The following TFR2 variants were observed in gnomAD, a reference collection of about 807,000 sequenced individuals.
TFR2 encodes the protein transferrin receptor 2.
In TFR2, 64 loss-of-function variants were observed where a neutral mutation model predicts 91.9. The ratio of observed to expected loss-of-function variants is 0.70; its 90% CI spans 0.57 to 0.86. TFR2 has a LOEUF of 0.86. TFR2 is among the 40% of genes least tolerant of loss of function. TFR2 has a pLI of 0.00. For synonymous variants in TFR2, 454 were observed against 459.6 expected, an observed-to-expected ratio of 0.99 and a Z score of 0.15; for missense variants, 950 against 1,080.5, an observed-to-expected ratio of 0.88 and a Z score of 1.69.
At chr7:100,636,108 T>C (rs1803567075) in intron 3 of TFR2, among the ~76,000 whole-genome samples, 1 of 151,536 alleles carries the variant, frequency 6.6e-6, no homozygotes, top group African/African-American at 2.4e-5. Flanking sequence ...ATAAATGAAT[T>C]AATTACTTCA....
intron 9 of TFR2, among the ~76,000 whole-genome samples, chr7:100,630,359 G>C (rs1361766800): frequency 1.3e-5 from 2 of 151,042 alleles, no homozygotes; most frequent in Non-Finnish European, 2.9e-5. Flanking sequence ...GCACAATCTC[G>C]GCTCACAGCA....
intron 3 of TFR2, 24 bp from the exon 4 acceptor site, chr7:100,633,580 T>A: frequency 6.3e-7 from 1 of 1,588,634 alleles, no homozygotes; most frequent in Non-Finnish European, 8.5e-7. Context: ...GGTGGGGACT[T>A]TTCTGGGCGC....
rs374157098 is a variant in TFR2, at chr7:100,625,348, C to T, written c.2136+1415G>A. Among the ~76,000 whole-genome samples the T allele has an allele frequency of 6.8e-4, 103 of 152,204 alleles. 3 individuals are homozygous for T. Among genetic ancestry groups the T allele is most frequent in the Admixed American group, 6.7e-3 (103 of 15,278 alleles). On this transcript the variant is annotated intron_variant, in intron 17 of 17. Coordinates refer to ENST00000223051, the MANE Select transcript of TFR2 (RefSeq NM_003227.4). The stretch of plus-strand genomic sequence containing the variant: ...TGCTGAGATTACAGGCGTAAGCCAC[C>T]GTGCCTGGCCTAAGTCATGCATCTT...
chr7:100,639,592 AC>A (rs1052728393), intron 3 of TFR2, among the ~76,000 whole-genome samples: 9 of 151,488 alleles, frequency 5.9e-5, no homozygotes, highest in East Asian at 3.9e-4. Flanking sequence ...AAAAAAAAAA[AC>A]GTAGAAGGTA....
chr7:100,627,239 C>G, intron 16 of TFR2, 25 bp downstream of exon 16: 1 of 1,547,362 alleles, frequency 6.5e-7, no homozygotes, highest in Non-Finnish European at 8.7e-7. Context: ...TCCCAGAGAC[C>G]AAGAGCGGGG....
chr7:100,640,761 C>T lies in TFR2; in HGVS notation c.398G>A (p.Gly133Asp), dbSNP rs1157319349. 4 of 1,614,100 alleles carry T rather than the reference C, an allele frequency of 2.5e-6. No homozygotes were observed. The South Asian group carries it at 3.3e-5, about 13-fold the overall frequency. Residue 133 changes from glycine (G) to aspartate (D), a missense_variant, in exon 3 of 18, where the codon GGC becomes GAC. Coordinates refer to ENST00000223051, the MANE Select transcript of TFR2 (RefSeq NM_003227.4). The part of the protein sequence containing the change: ...NYEPDLDFHQ[G>D]RLYWSDLQAM... ...CTGGAGGTCGCTCCAGTAGAGTCTG[C>T]CCTGGTGGAAATCCAGGTCAGGCTC...
chr7:100,631,484 G>A (rs777954024), intron 8 of TFR2: 25 of 316,860 alleles, frequency 7.9e-5, no homozygotes, highest in South Asian at 3.1e-4. Context: ...TTAGCCGGGC[G>A]TGGTGGGGGG....
chr7:100,623,860 G>T (rs1803179973), intron 17 of TFR2, among the ~76,000 whole-genome samples: 1 of 129,042 alleles, frequency 7.7e-6, no homozygotes, highest in Non-Finnish European at 1.5e-5. Context: ...GACCAGCCTG[G>T]CCAACATGAT....
intron 10 of TFR2, among the ~76,000 whole-genome samples, chr7:100,628,927 T>C (rs1803347247): frequency 6.6e-6 from 1 of 151,956 alleles, no homozygotes; most frequent in Admixed American, 6.6e-5. Context: ...CCACCACGCC[T>C]GGCTAATTTT....
chr7:100,637,331 G>A lies in TFR2; in HGVS notation c.473+3355C>T, dbSNP rs553555411. 5.6e-4 allele frequency among the ~76,000 whole-genome samples: 85 copies of A among 152,068 alleles called. 2 individuals carry two copies. The highest frequency in any genetic ancestry group is 3.4e-3 in the Middle Eastern group (1 of 294). ...GGAGAATCGCTTGAACCCGGGAGGC[G>A]GAGTTTGCAGTGAGCCAAGATCGTG... On this transcript the variant is annotated intron_variant, in intron 3 of 17. Transcript: ENST00000223051.
rs1487185357 is a variant in TFR2, at chr7:100,626,865, C to A, written c.2034G>T (p.Arg678=). 1 of 1,547,882 alleles carries A rather than the reference C, an allele frequency of 6.5e-7. No individual in the cohort carries two copies. The highest frequency in any genetic ancestry group is 8.7e-7 in the Non-Finnish European group (1 of 1,147,128). The change falls in exon 17 of 18, where the codon CGG becomes CGT. Residue 678 remains arginine (R), a synonymous_variant. Coordinates refer to ENST00000223051, the MANE Select transcript of TFR2 (RefSeq NM_003227.4). The part of the protein sequence containing the change: ...GLTLQWVYSA[R]GDYIRAAEKL... Reference sequence around the variant, plus strand: ...TTTCCGCCGCCCGGATGTAGTCCCCCCGCGCCGAGTACACCCACTGCAGGG... The same window carrying A: ...TTTCCGCCGCCCGGATGTAGTCCCCACGCGCCGAGTACACCCACTGCAGGG...
At chr7:100,639,349 A>C (rs1803644080) in intron 3 of TFR2, among the ~76,000 whole-genome samples, 1 of 152,218 alleles carries the variant, frequency 6.6e-6, no homozygotes, top group Non-Finnish European at 1.5e-5. Context: ...CCTGGGTGAT[A>C]AGAGGGAGAC....
At chr7:100,623,918 T>C (rs953257547) in intron 17 of TFR2, among the ~76,000 whole-genome samples, 2 of 140,912 alleles carry the variant, frequency 1.4e-5, no homozygotes, top group Non-Finnish European at 3.0e-5. Context: ...AAATTAGGCA[T>C]GGTTGTGCGC....
chr7:100,633,578 C>A, intron 3 of TFR2, 22 bp from the exon 4 acceptor site: 1 of 1,588,684 alleles, frequency 6.3e-7, no homozygotes, highest in East Asian at 2.2e-5. Context: ...GAGGTGGGGA[C>A]TTTTCTGGGC....
At chr7:100,641,259 G>A in intron 1 of TFR2, 31 bp from the exon 2 acceptor site, 1 of 1,526,044 alleles carries the variant, frequency 6.6e-7, no homozygotes, top group Non-Finnish European at 8.8e-7. Context: ...TGAGATTGGG[G>A]CAAGAGGCCT....
chr7:100,640,585 G>T, intron 3 of TFR2, 101 bp downstream of exon 3: 3 of 1,385,764 alleles, frequency 2.2e-6, no homozygotes, highest in Non-Finnish European at 3.0e-6. Context: ...TCAGGAGGGG[G>T]ACCCAGACAC....
chr7:100,628,312 G>A lies in TFR2; in HGVS notation c.1391-6C>T, dbSNP rs773308636. On this transcript the variant is annotated splice_region_variant and splice_polypyrimidine_tract_variant and intron_variant, in intron 10 of 17. Transcript: ENST00000223051. ...ACTTCTGCGGGGCCGGAAGCCTGGG[G>A]ACAGAGGGGAAGGAGGACAGGCTTA... 1.1e-5 allele frequency: 17 copies of A among 1,613,994 alleles called. No individual in the cohort carries two copies. Among genetic ancestry groups the A allele is most frequent in the Admixed American group, 5.0e-5 (3 of 60,014 alleles).
Position 100,633,346 on chromosome 7 carries a change from G to A in TFR2, c.615-6C>T, listed in dbSNP as rs1426595023. On this transcript the variant is annotated splice_region_variant and splice_polypyrimidine_tract_variant and intron_variant, in intron 4 of 17. Transcript: ENST00000223051. ...GCAGGGTGTTGGGGTGAGCCCTGGG[G>A]AGCGGGGCTGGTGAGCGCCCCGAGC... The A allele has an allele frequency of 5.6e-6, 9 of 1,611,894 alleles. No homozygotes were observed. The highest frequency in any genetic ancestry group is 7.6e-6 in the Non-Finnish European group (9 of 1,179,088).
At chr7:100,637,148 C>T (rs1412924962) in intron 3 of TFR2, among the ~76,000 whole-genome samples, 3 of 152,014 alleles carry the variant, frequency 2.0e-5, no homozygotes, top group African/African-American at 7.3e-5. Flanking sequence ...ACCTGTAATC[C>T]CAGCACTTTG....
Sources: gnomAD v4.1 joint callset for allele counts (sites outside exome capture counted in the v4.1 genomes callset) on GRCh38, gnomAD v4.1.1 for gene constraint, MANE v1.5 for transcripts, NCBI Gene and HGNC (gene_info 2026-07-23, HGNC 2026-07-21) for gene names.